The following XKR9 variants were observed in gnomAD, a reference collection of about 807,000 sequenced individuals.
XKR9 encodes the protein XK related 9, also known as XK-related protein 9.
A neutral mutation model predicts 32.0 loss-of-function variants in XKR9; 32 were observed. The observed-to-expected ratio is 1.00, with a 90% CI of 0.76 to 1.34. XKR9 has a LOEUF of 1.34. Among genes scored for constraint, XKR9 ranks in the 40% most tolerant of loss-of-function variants. The pLI, the probability that XKR9 is intolerant of heterozygous loss-of-function variation, is 0.00. For synonymous variants in XKR9, 168 were observed against 143.4 expected, an observed-to-expected ratio of 1.17 and a Z score of -1.22; for missense variants, 546 against 429.7, an observed-to-expected ratio of 1.27 and a Z score of -2.39.
downstream of XKR9, among the ~76,000 whole-genome samples, chr8:70,739,976 G>T (rs1451185999): frequency 2.6e-5 from 4 of 152,118 alleles, no homozygotes. Flanking sequence ...GAGTATCTTT[G>T]TGGCGTTCTC....
chr8:70,672,585 T>C (rs1295734724), intron 1 of XKR9, among the ~76,000 whole-genome samples: 1 of 152,180 alleles, frequency 6.6e-6, no homozygotes, highest in Non-Finnish European at 1.5e-5. Context: ...AGTAGTGGGA[T>C]TGCTAAATCA....
the XKR9 span, among the ~76,000 whole-genome samples, chr8:70,799,685 T>A: frequency 6.6e-6 from 1 of 152,250 alleles, no homozygotes; most frequent in South Asian, 2.1e-4. Flanking sequence ...TGTATAGAAA[T>A]GCTACTGATT....
At chr8:70,982,790 G>A in the XKR9 span, among the ~76,000 whole-genome samples, 1 of 152,156 alleles carries the variant, frequency 6.6e-6, no homozygotes, top group Admixed American at 6.5e-5. Context: ...CTCTGTATAT[G>A]AGCAGGAACT....
chr8:70,748,845 C>G (rs893744340), intron 2 of XKR9, among the ~76,000 whole-genome samples: 8 of 145,438 alleles, frequency 5.5e-5, no homozygotes, highest in African/African-American at 2.0e-4. Flanking sequence ...CCCTTCTGAG[C>G]CCACAAAAAC....
chr8:70,714,865 A>G (rs139221813), intron 4 of XKR9, among the ~76,000 whole-genome samples: 157 of 152,298 alleles, frequency 1.0e-3, no homozygotes, highest in African/African-American at 3.7e-3. Flanking sequence ...TAAAGAATTA[A>G]TAAGAATAAT....
intron 2 of XKR9, among the ~76,000 whole-genome samples, chr8:70,776,613 T>C (rs1323768731): frequency 6.6e-6 from 1 of 152,104 alleles, no homozygotes; most frequent in East Asian, 1.9e-4. Context: ...TCCAGATCAG[T>C]GAGTGGCAGA....
the XKR9 span, among the ~76,000 whole-genome samples, chr8:71,037,442 C>T: frequency 3.3e-5 from 5 of 152,106 alleles, no homozygotes; most frequent in African/African-American, 4.8e-5. Context: ...TTTATGTATT[C>T]GGAGGCCCTG....
At chr8:70,796,583 T>C in the XKR9 span, among the ~76,000 whole-genome samples, 1 of 152,208 alleles carries the variant, frequency 6.6e-6, no homozygotes, top group Non-Finnish European at 1.5e-5. Flanking sequence ...CTGTTTTTTA[T>C]AGTTAGATTA....
chr8:70,755,201 A>G (rs534293039), intron 2 of XKR9, among the ~76,000 whole-genome samples: 1 of 152,388 alleles, frequency 6.6e-6, no homozygotes, highest in Admixed American at 6.5e-5. Context: ...AATCAAAGCC[A>G]CAATGAGATA....
chr8:70,842,314 C>A, the XKR9 span, among the ~76,000 whole-genome samples: 1 of 152,126 alleles, frequency 6.6e-6, no homozygotes, highest in Non-Finnish European at 1.5e-5. Context: ...ACAATTTTTA[C>A]CATTTGGCAC....
the XKR9 span, among the ~76,000 whole-genome samples, chr8:71,023,708 C>G: frequency 6.6e-6 from 1 of 152,184 alleles, no homozygotes; most frequent in East Asian, 1.9e-4. Context: ...TGGGACATCC[C>G]TCAGGCTCCC....
At chr8:70,943,972 A>G in the XKR9 span, among the ~76,000 whole-genome samples, 4 of 152,166 alleles carry the variant, frequency 2.6e-5, no homozygotes, top group African/African-American at 9.7e-5. Context: ...TCAGTCTTGT[A>G]TATCTGAGTA....
At chr8:70,861,643 A>C in the XKR9 span, among the ~76,000 whole-genome samples, 1 of 152,104 alleles carries the variant, frequency 6.6e-6, no homozygotes, top group Non-Finnish European at 1.5e-5. Context: ...GCAACAGAGT[A>C]AGAACCTGAA....
At chr8:71,050,236 GAT>G in the XKR9 span, among the ~76,000 whole-genome samples, 367 of 123,502 alleles carry the variant, frequency 3.0e-3, 1 homozygote, top group African/African-American at 6.3e-3. Flanking sequence ...GCCTGGCAGA[GAT>G]ATATATATAT....
At chr8:71,009,012 A>G in the XKR9 span, among the ~76,000 whole-genome samples, 1 of 152,196 alleles carries the variant, frequency 6.6e-6, no homozygotes, top group African/African-American at 2.4e-5. Flanking sequence ...AACCACTGCT[A>G]TAGGGGGACC....
chr8:70,739,584 A>C (rs1410302130), downstream of XKR9, among the ~76,000 whole-genome samples: 1 of 152,120 alleles, frequency 6.6e-6, no homozygotes, highest in East Asian at 1.9e-4. Context: ...ACAATTTGGC[A>C]TGATTTTGCA....
the XKR9 span, among the ~76,000 whole-genome samples, chr8:70,795,809 T>A: frequency 6.6e-6 from 1 of 152,168 alleles, no homozygotes; most frequent in African/African-American, 2.4e-5. Flanking sequence ...TTCATGCCCT[T>A]TGCCCACTTT....
chr8:70,807,931 A>G, the XKR9 span, among the ~76,000 whole-genome samples: 1 of 151,956 alleles, frequency 6.6e-6, no homozygotes, highest in Admixed American at 6.6e-5. Context: ...CATCTACAGA[A>G]CTCTCCACCA....
the XKR9 span, among the ~76,000 whole-genome samples, chr8:70,821,628 C>A: frequency 1.3e-4 from 20 of 152,348 alleles, no homozygotes; most frequent in African/African-American, 4.6e-4. Flanking sequence ...GGTTCCCAAA[C>A]CTCAACTCTT....
Sources: gnomAD v4.1 joint callset for allele counts (sites outside exome capture counted in the v4.1 genomes callset) on GRCh38, gnomAD v4.1.1 for gene constraint, MANE v1.5 for transcripts, NCBI Gene and HGNC (gene_info 2026-07-23, HGNC 2026-07-21) for gene names.